UBE2V2: variants seen among roughly 807,000 people sequenced by gnomAD.
UBE2V2 encodes the protein ubiquitin-conjugating enzyme E2 variant 2.
Under a neutral mutation model 17.2 loss-of-function variants are expected in UBE2V2, and 9 were observed. The observed-to-expected ratio is 0.52, with a 90% CI of 0.32 to 0.91. The LOEUF is 0.91. Ranked by LOEUF, UBE2V2 falls within the 40% of genes least tolerant of loss-of-function variation. UBE2V2 has a pLI of 0.04. For synonymous variants in UBE2V2, 61 were observed against 57.5 expected (o/e 1.06, Z -0.28); for missense variants, 133 against 182.6 (o/e 0.73, Z 1.56).
At chr8:48,053,214 T>C (rs1180353585) in intron 3 of UBE2V2, among the ~76,000 whole-genome samples, 1 of 152,090 alleles carries the variant, frequency 6.6e-6, no homozygotes, top group African/African-American at 2.4e-5. Flanking sequence ...TTTATTGATG[T>C]TCCAACTTGA....
intron 1 of UBE2V2, among the ~76,000 whole-genome samples, chr8:48,014,521 T>C (rs1444323822): frequency 6.6e-6 from 1 of 151,616 alleles, no homozygotes; most frequent in Non-Finnish European, 1.5e-5. Flanking sequence ...GATGGGCGCC[T>C]GTAGTCCCAG....
intron 1 of UBE2V2, among the ~76,000 whole-genome samples, chr8:48,022,480 A>G (rs2091312519): frequency 6.6e-6 from 1 of 152,130 alleles, no homozygotes; most frequent in Admixed American, 6.6e-5. Flanking sequence ...TATTGTAGTT[A>G]CTTTCAATAG....
chr8:48,044,060 G>A, intron 2 of UBE2V2, among the ~76,000 whole-genome samples: 1 of 151,782 alleles, frequency 6.6e-6, no homozygotes, highest in Non-Finnish European at 1.5e-5. Flanking sequence ...GGTTTTTTAA[G>A]TCTTTGGTTT....
At position 48,028,450 on chromosome 8, in the gene UBE2V2, T is replaced by A. The variant is rs538777867; in HGVS notation, c.17-14583T>A. Reference sequence around the variant, plus strand: ...GCCTCCTGAGTTCAAGCAATTCTCCTGCCTCAGCCTCTCAAGTAGCTGGGA... The same window carrying A: ...GCCTCCTGAGTTCAAGCAATTCTCCAGCCTCAGCCTCTCAAGTAGCTGGGA... On this transcript the variant is annotated intron_variant, in intron 1 of 3. Coordinates refer to ENST00000523111, the MANE Select transcript of UBE2V2 (RefSeq NM_003350.3). Among the ~76,000 whole-genome samples the A allele has an allele frequency of 3.3e-5, 5 of 151,604 alleles. No individual in the cohort carries two copies. The East Asian group carries it at 9.8e-4, about 30-fold the overall frequency.
chr8:48,058,798 C>T (rs997604751), intron 3 of UBE2V2, among the ~76,000 whole-genome samples: 1 of 151,596 alleles, frequency 6.6e-6, no homozygotes, highest in African/African-American at 2.4e-5. Context: ...TTTTTTGCAT[C>T]CATTGAGATG....
intron 1 of UBE2V2, among the ~76,000 whole-genome samples, chr8:48,025,136 G>A (rs958202810): frequency 4.6e-5 from 7 of 152,044 alleles, no homozygotes; most frequent in East Asian, 1.9e-4. Context: ...GGGTTTCACC[G>A]TGTTAGCCAG....
the UBE2V2 span, among the ~76,000 whole-genome samples, chr8:48,000,190 A>G: frequency 1.3e-5 from 2 of 152,230 alleles, no homozygotes; most frequent in Non-Finnish European, 1.5e-5. Context: ...TAGAATTTCT[A>G]TACGTCTCTG....
chr8:48,030,934 A>G (rs1423718731), intron 1 of UBE2V2, among the ~76,000 whole-genome samples: 4 of 152,166 alleles, frequency 2.6e-5, no homozygotes, highest in African/African-American at 7.2e-5. Flanking sequence ...AGGCGGGAGA[A>G]TCTCTTGAAC....
intron 1 of UBE2V2, among the ~76,000 whole-genome samples, chr8:48,034,315 T>A (rs1589857761): frequency 6.6e-6 from 1 of 151,994 alleles, no homozygotes; most frequent in Non-Finnish European, 1.5e-5. Flanking sequence ...TTAGTAGAGA[T>A]GGGGTTTCAC....
the UBE2V2 span, among the ~76,000 whole-genome samples, chr8:47,999,447 C>A: frequency 1.3e-5 from 2 of 151,952 alleles, no homozygotes; most frequent in Non-Finnish European, 2.9e-5. Context: ...ACCTCTGCCT[C>A]CCAGGTTCAA....
intron 3 of UBE2V2, among the ~76,000 whole-genome samples, chr8:48,059,711 C>T (rs1802563241): frequency 6.6e-6 from 1 of 152,162 alleles, no homozygotes; most frequent in Admixed American, 6.5e-5. Flanking sequence ...GCATCCGGCC[C>T]ACCTTCCTGT....
intron 3 of UBE2V2, among the ~76,000 whole-genome samples, chr8:48,053,632 G>C (rs962149318): frequency 6.6e-6 from 1 of 151,810 alleles, no homozygotes; most frequent in African/African-American, 2.4e-5. Flanking sequence ...CACCATGTTG[G>C]TTAGGCTGGT....
At chr8:48,012,936 C>A (rs1001692441) in intron 1 of UBE2V2, among the ~76,000 whole-genome samples, 2 of 151,658 alleles carry the variant, frequency 1.3e-5, no homozygotes, top group South Asian at 2.1e-4. Flanking sequence ...ACCTCTGCCT[C>A]CTGGGTTCAA....
At chr8:48,025,681 G>T (rs1481984893) in intron 1 of UBE2V2, among the ~76,000 whole-genome samples, 5 of 151,278 alleles carry the variant, frequency 3.3e-5, no homozygotes, top group African/African-American at 1.2e-4. Flanking sequence ...CTCACTGCAA[G>T]CTCCGCCTCC....
Position 48,049,906 on chromosome 8 carries a change from C to T in UBE2V2, c.219C>T (p.Tyr73=). ...YSLKVECGPK[Y]PEAPPSVRFV... ...TGAAAGTAGAATGTGGACCTAAATACCCAGAAGCTCCTCCGTCAGTTAGAT... is the reference window on the plus strand; with the variant it reads ...TGAAAGTAGAATGTGGACCTAAATATCCAGAAGCTCCTCCGTCAGTTAGAT... Residue 73 remains tyrosine, a synonymous_variant, in exon 3 of 4, where the codon TAC becomes TAT. Coordinates refer to ENST00000523111, the MANE Select transcript of UBE2V2 (RefSeq NM_003350.3). 1 of 1,587,358 alleles carries T rather than the reference C, an allele frequency of 6.3e-7. No individual in the cohort carries two copies.
At chr8:48,001,958 G>A in the UBE2V2 span, among the ~76,000 whole-genome samples, 2 of 152,002 alleles carry the variant, frequency 1.3e-5, no homozygotes, top group Non-Finnish European at 2.9e-5. Context: ...ACGTGGTGGC[G>A]CATGCCTGTA....
chr8:48,006,280 C>T (rs2091182366), upstream of UBE2V2, among the ~76,000 whole-genome samples: 1 of 152,156 alleles, frequency 6.6e-6, no homozygotes, highest in Non-Finnish European at 1.5e-5. Flanking sequence ...AATCCTTTCC[C>T]CATTGCTTGT....
At chr8:48,043,221 T>C (rs760528981) in intron 2 of UBE2V2, 40 bp downstream of exon 2, 14 of 1,353,278 alleles carry the variant, frequency 1.0e-5, no homozygotes, top group Non-Finnish European at 1.4e-5. Flanking sequence ...TAATACTTAT[T>C]GTTAAAGTTA....
chr8:48,032,378 A>T (rs991047276), intron 1 of UBE2V2, among the ~76,000 whole-genome samples: 3 of 152,142 alleles, frequency 2.0e-5, no homozygotes, highest in Admixed American at 2.0e-4. Flanking sequence ...TTGGTGAATT[A>T]TATAAATATA....
Sources: gnomAD v4.1 joint callset for allele counts (sites outside exome capture counted in the v4.1 genomes callset) on GRCh38, gnomAD v4.1.1 for gene constraint, MANE v1.5 for transcripts, NCBI Gene and HGNC (gene_info 2026-07-23, HGNC 2026-07-21) for gene names.